Variants in TRAPPC9 observed in about 807,000 individuals in gnomAD.
The protein encoded by TRAPPC9 is IKK2 binding protein.
Under a neutral mutation model 124.0 loss-of-function variants are expected in TRAPPC9, and 83 were observed. The ratio of observed to expected loss-of-function variants is 0.67; its 90% CI spans 0.56 to 0.80. The LOEUF (loss-of-function observed/expected upper bound fraction) is 0.80, where lower values mean the gene tolerates loss of function less well. TRAPPC9 is among the 30% of genes least tolerant of loss of function. The probability of loss-of-function intolerance (pLI) is 0.00; values close to 1 mark genes in which losing one functional copy is unlikely to be tolerated. For synonymous variants in TRAPPC9, 638 were observed against 617.5 expected (o/e 1.03, Z -0.49); for missense variants, 1,302 against 1,508.3 (o/e 0.86, Z 2.27).
chr8:139,867,756 C>G (rs972609673), intron 21 of TRAPPC9, among the ~76,000 whole-genome samples: 1 of 152,196 alleles, frequency 6.6e-6, no homozygotes, highest in Non-Finnish European at 1.5e-5. Flanking sequence ...TTGGTAATAT[C>G]TTAAAGTGTC....
intron 21 of TRAPPC9, among the ~76,000 whole-genome samples, chr8:139,869,780 A>G (rs988946112): frequency 6.6e-6 from 1 of 152,240 alleles, no homozygotes; most frequent in African/African-American, 2.4e-5. Context: ...CAAAGTAATT[A>G]CCATAGGAAG....
chr8:140,360,866 T>C (rs2067932261), intron 8 of TRAPPC9, among the ~76,000 whole-genome samples: 1 of 152,196 alleles, frequency 6.6e-6, no homozygotes, highest in Non-Finnish European at 1.5e-5. Context: ...GCCTCCTGCG[T>C]AGCTGGGACT....
intron 17 of TRAPPC9, among the ~76,000 whole-genome samples, chr8:140,033,234 T>C (rs1840613497): frequency 6.6e-6 from 1 of 152,192 alleles, no homozygotes; most frequent in African/African-American, 2.4e-5. Context: ...GACTAGTAAA[T>C]GAATGGATGA....
At chr8:139,953,085 T>A (rs1208804024) in intron 19 of TRAPPC9, among the ~76,000 whole-genome samples, 1 of 152,212 alleles carries the variant, frequency 6.6e-6, no homozygotes, top group Non-Finnish European at 1.5e-5. Context: ...GAGGACACGA[T>A]GGAATAATCA....
At position 139,992,176 on chromosome 8, in the gene TRAPPC9, A is replaced by G. The variant is rs747010759; in HGVS notation, c.2700-3340T>C. On this transcript the variant is annotated intron_variant, in intron 18 of 22. Coordinates refer to ENST00000438773, the MANE Select transcript of TRAPPC9 (RefSeq NM_001160372.4). ...AACTTTTTGAGAAAATACATTTATA[A>G]TAGCAACACAGTCCACAACACAGGT... Among the ~76,000 whole-genome samples the G allele has an allele frequency of 5.3e-5, 8 of 152,262 alleles. 1 individual carries two copies. The highest frequency in any genetic ancestry group is 1.2e-4 in the Non-Finnish European group (8 of 68,050).
intron 21 of TRAPPC9, among the ~76,000 whole-genome samples, chr8:139,867,509 A>AAGAT (rs1828626801): frequency 6.6e-6 from 1 of 152,214 alleles, no homozygotes; most frequent in Non-Finnish European, 1.5e-5. Context: ...ACTTAGTAAC[A>AAGAT]ACAAAGAGAC....
At chr8:139,773,857 T>C (rs143882987) in intron 21 of TRAPPC9, among the ~76,000 whole-genome samples, 63 of 152,316 alleles carry the variant, frequency 4.1e-4, no homozygotes, top group Admixed American at 1.2e-3. Context: ...AATTAAAATG[T>C]CTAAAAATAA....
chr8:140,062,312 A>G (rs1050188826), intron 17 of TRAPPC9, among the ~76,000 whole-genome samples: 2 of 152,056 alleles, frequency 1.3e-5, no homozygotes, highest in Admixed American at 1.3e-4. Flanking sequence ...GCATGATCAG[A>G]CCTCAGCATG....
At chr8:139,948,248 AACAC>A (rs141771160) in intron 19 of TRAPPC9, among the ~76,000 whole-genome samples, 21,152 of 144,342 alleles carry the variant, frequency 0.15, 1,919 homozygotes, top group African/African-American at 0.26. Flanking sequence ...TGGTTCATAA[AACAC>A]ACACACACAC....
At chr8:139,769,964 C>T (rs1039884671) in intron 21 of TRAPPC9, among the ~76,000 whole-genome samples, 19 of 152,234 alleles carry the variant, frequency 1.2e-4, no homozygotes, top group African/African-American at 4.6e-4. Flanking sequence ...TGCAACTCCC[C>T]AGGGAAGGCA....
intron 9 of TRAPPC9, among the ~76,000 whole-genome samples, chr8:140,343,900 G>A (rs962152784): frequency 6.6e-6 from 1 of 152,156 alleles, no homozygotes; most frequent in African/African-American, 2.4e-5. Flanking sequence ...AGCTGAGTGT[G>A]GAGGGCAGAG....
chr8:140,064,257 T>C (rs1842787609), intron 17 of TRAPPC9, among the ~76,000 whole-genome samples: 1 of 152,156 alleles, frequency 6.6e-6, no homozygotes, highest in African/African-American at 2.4e-5. Context: ...TTATGTGAAA[T>C]GGTCAGCTTT....
At chr8:140,358,395 C>T (rs980538599) in intron 9 of TRAPPC9, among the ~76,000 whole-genome samples, 4 of 152,092 alleles carry the variant, frequency 2.6e-5, no homozygotes, top group South Asian at 2.1e-4. Flanking sequence ...TTAGTAGACA[C>T]GGGGTTTCAC....
At chr8:140,033,618 A>G (rs1280309161) in intron 17 of TRAPPC9, among the ~76,000 whole-genome samples, 4 of 145,666 alleles carry the variant, frequency 2.7e-5, no homozygotes, top group African/African-American at 1.0e-4. Flanking sequence ...CATTTCATCC[A>G]AGTTGTCAAA....
intron 19 of TRAPPC9, among the ~76,000 whole-genome samples, chr8:139,920,551 G>A (rs964917747): frequency 6.6e-6 from 1 of 152,204 alleles, no homozygotes; most frequent in South Asian, 2.1e-4. Context: ...AGTGACCTAC[G>A]TGGGCCCAGG....
In TRAPPC9 at chr8:140,257,744, C is replaced by T. The variant is rs1013428613; in HGVS notation, c.2279-4815G>A. 2.0e-5 allele frequency among the ~76,000 whole-genome samples: 3 copies of T among 152,170 alleles called. No individual in the cohort carries two copies. The highest frequency in any genetic ancestry group is 4.4e-5 in the Non-Finnish European group (3 of 68,038). ...TTTTTAATACCCAGGTCCAGGGTAT[C>T]TACTCAGATATGCAACCATCCCAGC... On this transcript the variant is annotated intron_variant, in intron 15 of 22. Coordinates refer to ENST00000438773, the MANE Select transcript of TRAPPC9 (RefSeq NM_001160372.4). The surrounding 1 kb of genome is among the most constrained non-coding windows in gnomAD (Gnocchi z 4.6).
At chr8:140,135,653 T>C (rs1563788273) in intron 17 of TRAPPC9, among the ~76,000 whole-genome samples, 3 of 152,226 alleles carry the variant, frequency 2.0e-5, no homozygotes, top group Non-Finnish European at 4.4e-5. Flanking sequence ...CGAGGAATTA[T>C]TGCTTCGTGG....
At chr8:139,747,993 G>A (rs2035090) in intron 21 of TRAPPC9, among the ~76,000 whole-genome samples, 1 of 46,572 alleles carries the variant, frequency 2.1e-5, no homozygotes, top group Non-Finnish European at 3.5e-5. Context: ...GATGCAGGGG[G>A]TATACACAGC....
intron 21 of TRAPPC9, among the ~76,000 whole-genome samples, chr8:139,831,672 C>A (rs1245812653): frequency 6.6e-6 from 1 of 152,234 alleles, no homozygotes; most frequent in African/African-American, 2.4e-5. Flanking sequence ...TCATCCACCC[C>A]ACCCCTCACT....
Sources: gnomAD v4.1 joint callset for allele counts (sites outside exome capture counted in the v4.1 genomes callset) on GRCh38, gnomAD v4.1.1 for gene constraint, Gnocchi (gnomAD v3.1) non-coding constraint, MANE v1.5 for transcripts, NCBI Gene and HGNC (gene_info 2026-07-23, HGNC 2026-07-21) for gene names.